PITPNM1: variants seen among roughly 807,000 people sequenced by gnomAD.
The protein encoded by PITPNM1 is membrane-associated phosphatidylinositol transfer protein 1.
A neutral mutation model predicts 133.3 loss-of-function variants in PITPNM1; 74 were observed. That is an observed-to-expected ratio of 0.56 (90% CI 0.46 to 0.67). The LOEUF is 0.67. Ranked by LOEUF, PITPNM1 falls within the 30% of genes least tolerant of loss-of-function variation. The pLI is 0.00. For synonymous variants in PITPNM1, 738 were observed against 741.4 expected (o/e 1.00, Z 0.08); for missense variants, 1,398 against 1,739.5 (o/e 0.80, Z 3.49).
chr11:67,494,450 C>CCG, intron 18 of PITPNM1, 90 bp from the exon 19 acceptor site: 1 of 279,962 alleles, frequency 3.6e-6, no homozygotes, highest in Non-Finnish European at 6.1e-6. Flanking sequence ...ACGCAAACAC[C>CCG]GGGGTGGGGG....
rs147421117 is a variant in PITPNM1, at chr11:67,492,249, G to A, written c.3519C>T (p.Gly1173=). ...GTCCCGAGGAGGCATGCGAGTGCGAGCCCGCTTCCAGCTGGCCCAGGTGGG... is the reference window on the plus strand; with the variant it reads ...GTCCCGAGGAGGCATGCGAGTGCGAACCCGCTTCCAGCTGGCCCAGGTGGG... The part of the protein sequence containing the change: ...YVAHLGQLEA[G]SHSHASSGPP... Residue 1173 remains glycine (G), a synonymous_variant, in exon 24 of 24, where the codon GGC becomes GGT. Transcript: ENST00000356404. 3.8e-6 allele frequency: 6 copies of A among 1,599,174 alleles called. No homozygotes were observed. The African/African-American group carries it at 6.7e-5, about 18-fold the overall frequency.
rs1171334041 is a variant in PITPNM1 at position 67,494,039 on chromosome 11, G to T, written c.2891C>A (p.Ser964Ter). Residue 964 changes from serine to a stop codon, truncating the protein, a stop_gained, in exon 20 of 24, where the codon TCG becomes TAG. Transcript: ENST00000356404. LOFTEE classifies it high-confidence loss of function. The part of the protein sequence containing the change: ...VDVYIMTQPL[S>*]GKWIHFGTEV... ...GGTGCCAAAGTGGATCCACTTGCCCGACAGCGGCTGCGTCATGATGTAGAC... is the reference window on the plus strand; with the variant it reads ...GGTGCCAAAGTGGATCCACTTGCCCTACAGCGGCTGCGTCATGATGTAGAC... 1.2e-6 allele frequency: 2 copies of T among 1,609,772 alleles called. No individual in the cohort carries two copies. The highest frequency in any genetic ancestry group is 8.5e-7 in the Non-Finnish European group (1 of 1,178,446).
chr11:67,494,944 CCTT>C lies in PITPNM1; in HGVS notation c.2641_2643del (p.Lys881del). ...TCGCATTCCGCCAGCTGTGGCCGCT[CCTT>C]CTCGATCACCTGCACGGGACAGGGG... On this transcript the variant is annotated inframe_deletion, in exon 18 of 24. Transcript: ENST00000356404. 1 of 1,612,662 alleles carries C rather than the reference CCTT, an allele frequency of 6.2e-7. No homozygotes were observed. Among genetic ancestry groups the C allele is most frequent in the Non-Finnish European group, 8.5e-7 (1 of 1,179,762 alleles).
Position 67,494,940 on chromosome 11 carries a change from C to T in PITPNM1, c.2648G>A (p.Arg883Gln), listed in dbSNP as rs144939807. ...CTCCTCGCATTCCGCCAGCTGTGGC[C>T]GCTCCTTCTCGATCACCTGCACGGG... ...FILRQVIEKE[R>Q]PQLAECEEPS... is the part of the protein sequence containing the mutation. The change falls in exon 18 of 24, where the codon CGG becomes CAG. Residue 883 changes from arginine (R) to glutamine (Q), a missense_variant. This residue lies in a region of PITPNM1 where 574 missense variants were observed against 698.7 expected (regional missense o/e 0.82). Transcript: ENST00000356404. 0.012 allele frequency: 19,226 copies of T among 1,612,582 alleles called. 173 individuals are homozygous for T. Among genetic ancestry groups the T allele is most frequent in the Non-Finnish European group, 0.015 (17,408 of 1,179,706 alleles).
At position 67,498,700 on chromosome 11, in the gene PITPNM1, G is replaced by A. The variant is rs115377785; in HGVS notation, c.1380C>T (p.Phe460=). ...QADVQTLSSA[F]EAVTRIHFPE... ...GGAAGTGGATGCGGGTGACGGCCTC[G>A]AAGGCGGAGCTCAGCGTCTGCACAT... Residue 460 remains phenylalanine (F), a synonymous_variant, in exon 10 of 24, where the codon TTC becomes TTT. Transcript: ENST00000356404. The surrounding 1 kb of genome is among the most constrained non-coding windows in gnomAD (Gnocchi z 5.7). 1.6e-4 allele frequency: 256 copies of A among 1,606,240 alleles called. No homozygotes were observed. Among genetic ancestry groups the A allele is most frequent in the African/African-American group, 1.5e-3 (113 of 75,048 alleles).
intron 5 of PITPNM1, among the ~76,000 whole-genome samples, chr11:67,501,445 A>G (rs1866318781): frequency 6.6e-6 from 1 of 152,186 alleles, no homozygotes. Context: ...ACCAGGGCCA[A>G]AGGCTGGAAC....
rs1200873644 is a variant in PITPNM1, at chr11:67,502,310, T to C, written c.397A>G (p.Arg133Gly). The C allele has an allele frequency of 6.2e-7, 1 of 1,613,374 alleles. No individual in the cohort carries two copies. The highest frequency in any genetic ancestry group is 8.5e-7 in the Non-Finnish European group (1 of 1,180,006). Reference sequence around the variant, plus strand: ...GCCTCACCCAGGATGCGCTGTCTCCTCTCGGCCCCGCTCAGGTTGAAGACG... The same window carrying C: ...GCCTCACCCAGGATGCGCTGTCTCCCCTCGGCCCCGCTCAGGTTGAAGACG... ...PNVFNLSGAERRQRILDTIDI... is the reference protein window; with the variant it reads ...PNVFNLSGAEGRQRILDTIDI... The change falls in exon 4 of 24, where the codon AGG (arginine) becomes GGG (glycine). Residue 133 changes from arginine (R) to glycine (G), a missense_variant. Around this residue, in one of 5 missense-constraint regions of PITPNM1, gnomAD observed 274 missense variants for 360.7 expected, o/e 0.76. Transcript: ENST00000356404. The surrounding 1 kb of genome is among the most constrained non-coding windows in gnomAD (Gnocchi z 5.9).
Position 67,499,007 on chromosome 11 carries a change from G to A in PITPNM1, c.1172-6C>T. 6.2e-7 allele frequency: 1 copy of A among 1,609,534 alleles called. No homozygotes were observed. The highest frequency in any genetic ancestry group is 8.5e-7 in the Non-Finnish European group (1 of 1,178,248). ...AGCTGCCTCGGCTCCAGGCTCTGCA[G>A]GGCAACGAAGCCAGTGAGAGGGACG... On this transcript the variant is annotated splice_polypyrimidine_tract_variant and splice_region_variant and intron_variant, in intron 8 of 23. Transcript: ENST00000356404.
At position 67,502,863 on chromosome 11, in the gene PITPNM1, C is replaced by T; in HGVS notation, c.79-145G>A. ...GAAACCAGACCCCGCCCCACCAAAG[C>T]TCCCTGGGATCAGAATCACAGATGC... On this transcript the variant is annotated intron_variant, in intron 2 of 23. Coordinates refer to ENST00000356404, the MANE Select transcript of PITPNM1 (RefSeq NM_004910.3). The surrounding 1 kb of genome is among the most constrained non-coding windows in gnomAD (Gnocchi z 5.9). The T allele has an allele frequency of 2.7e-6, 2 of 747,842 alleles. No individual in the cohort carries two copies. Among genetic ancestry groups the T allele is most frequent in the Admixed American group, 5.4e-5 (2 of 37,268 alleles). 46.3% of individuals were successfully genotyped at this position (747,842 alleles called of 1,614,324 possible).
intron 14 of PITPNM1, chr11:67,496,998 C>G (rs1866141642): frequency 2.4e-6 from 1 of 418,428 alleles, no homozygotes; most frequent in African/African-American, 2.1e-5. Flanking sequence ...TCTGATTGAC[C>G]CCTTCTAGTG....
chr11:67,501,813 G>T (rs781012165), intron 5 of PITPNM1, 49 bp downstream of exon 5: 13 of 1,504,830 alleles, frequency 8.6e-6, no homozygotes, highest in Admixed American at 6.9e-5. Context: ...CTAAACATGG[G>T]GTCTGGGGCA....
At chr11:67,494,450 C>CCCG in intron 18 of PITPNM1, 90 bp from the exon 19 acceptor site, 1 of 279,974 alleles carries the variant, frequency 3.6e-6, no homozygotes, top group Non-Finnish European at 6.1e-6. Context: ...ACGCAAACAC[C>CCCG]GGGGTGGGGG....
chr11:67,505,615 C>A (rs1449721802), upstream of PITPNM1, among the ~76,000 whole-genome samples: 1 of 152,230 alleles, frequency 6.6e-6, no homozygotes, highest in Non-Finnish European at 1.5e-5. The surrounding 1 kb of genome is among the most constrained non-coding windows in gnomAD (Gnocchi z 5.8). Context: ...CCTAGCCCAG[C>A]CCTCCTGTGT....
rs756141675 is a variant in PITPNM1 at position 67,499,838 on chromosome 11, G to T, written c.1064-8C>A. 2 of 1,583,352 alleles carry T rather than the reference G, an allele frequency of 1.3e-6. No homozygotes were observed. Among genetic ancestry groups the T allele is most frequent in the East Asian group, 4.5e-5 (2 of 44,018 alleles). ...CACTGTCCGAGAAGCCTTCTGAGGG[G>T]ACAGGGGGCTGTGTCATGGGGTGGG... On this transcript the variant is annotated splice_polypyrimidine_tract_variant and splice_region_variant and intron_variant, in intron 7 of 23. Transcript: ENST00000356404.
At position 67,504,258 on chromosome 11, in the gene PITPNM1, G is replaced by A; in HGVS notation, c.-41-37C>T. On this transcript the variant is annotated intron_variant, in intron 1 of 23. Transcript: ENST00000356404. The surrounding 1 kb of genome is among the most constrained non-coding windows in gnomAD (Gnocchi z 5.4). ...CACGGCGCGACAGTCAGTGCGGGGA[G>A]GCTGCGCGCGGCCCCGAGCCCTGCG... 1 of 945,000 alleles carries A rather than the reference G, an allele frequency of 1.1e-6. No homozygotes were observed. The highest frequency in any genetic ancestry group is 2.3e-5 in the South Asian group (1 of 43,886). The allele number at this position is 945,000 out of a possible 1,614,324, so 58.5% of individuals were successfully genotyped here.
Position 67,492,273 on chromosome 11 carries a change from G to A in PITPNM1, c.3495C>T (p.Ala1165=), listed in dbSNP as rs144998929. ...QCQFLSDGYV[A]HLGQLEAGSH... The stretch of plus-strand genomic sequence containing the variant: ...AGCCCGCTTCCAGCTGGCCCAGGTG[G>A]GCCACATAGCCGTCTGACAGGAACT... The change falls in exon 24 of 24, where the codon GCC becomes GCT. Residue 1165 remains alanine, a synonymous_variant. Transcript: ENST00000356404. The A allele has an allele frequency of 1.2e-4, 183 of 1,585,682 alleles. No homozygotes were observed. The African/African-American group carries it at 2.3e-3, about 20-fold the overall frequency.
At chr11:67,493,874 C>A in intron 20 of PITPNM1, 37 bp from the exon 21 acceptor site, 2 of 1,520,952 alleles carry the variant, frequency 1.3e-6, no homozygotes, top group Non-Finnish European at 1.8e-6. Context: ...TGGCGCGGGG[C>A]GAGGCCTGGC....
rs765019042 is a variant in PITPNM1, at chr11:67,495,230, G to A, written c.2483-5C>T. 1.9e-6 allele frequency: 3 copies of A among 1,579,416 alleles called. No individual in the cohort carries two copies. The highest frequency in any genetic ancestry group is 2.3e-5 in the East Asian group (1 of 44,236). On this transcript the variant is annotated splice_region_variant and splice_polypyrimidine_tract_variant and intron_variant, in intron 16 of 23. Transcript: ENST00000356404. The stretch of plus-strand genomic sequence containing the variant: ...TCCCCCACCAGCGCTCCAGGACTGC[G>A]CGGCCATGGCAGCGAGTCAGGATGG...
At chr11:67,500,621 C>T (rs1866295821) in intron 5 of PITPNM1, among the ~76,000 whole-genome samples, 200 bp from the exon 6 acceptor site, 1 of 152,254 alleles carries the variant, frequency 6.6e-6, no homozygotes, top group South Asian at 2.1e-4. Flanking sequence ...CCCCCCCGCC[C>T]ACTGCCTTTC....
Sources: allele counts gnomAD v4.1 joint callset (sites outside exome capture counted in the v4.1 genomes callset), GRCh38; gene constraint gnomAD v4.1.1; regional missense constraint gnomAD v4.1.1; non-coding constraint Gnocchi (gnomAD v3.1); transcripts MANE v1.5; gene names NCBI Gene and HGNC (gene_info 2026-07-23, HGNC 2026-07-21).